SYNPR: variants seen among roughly 807,000 people sequenced by gnomAD.
The protein encoded by SYNPR is synaptoporin.
In SYNPR, 23 loss-of-function variants were observed where a neutral mutation model predicts 32.9. That is an observed-to-expected ratio of 0.70 (90% confidence interval 0.50 to 0.99). The LOEUF (loss-of-function observed/expected upper bound fraction) is 0.99, where lower values mean the gene tolerates loss of function less well. SYNPR is among the 50% of genes least tolerant of loss of function. The probability of loss-of-function intolerance (pLI) is 0.00; values close to 1 mark genes in which losing one functional copy is unlikely to be tolerated. For synonymous variants in SYNPR, 146 were observed against 135.9 expected (o/e 1.07, Z -0.52); for missense variants, 318 against 349.3 (o/e 0.91, Z 0.71).
upstream of SYNPR, among the ~76,000 whole-genome samples, chr3:63,225,178 C>T (rs1046665112): frequency 6.6e-6 from 1 of 152,150 alleles, no homozygotes; most frequent in Non-Finnish European, 1.5e-5. Flanking sequence ...CAGGGAGTGA[C>T]GGAAGCAGGG....
chr3:63,359,136 G>A (rs2107031318), intron 2 of SYNPR, among the ~76,000 whole-genome samples: 1 of 152,038 alleles, frequency 6.6e-6, no homozygotes, highest in South Asian at 2.1e-4. Context: ...AACTGTGCTG[G>A]GCTCTGGGGA....
chr3:63,218,855 G>T, the SYNPR span, among the ~76,000 whole-genome samples: 42 of 152,316 alleles, frequency 2.8e-4, no homozygotes, highest in Admixed American at 9.8e-4. Flanking sequence ...CTAAACAAGT[G>T]TGAGTATTGC....
At chr3:63,233,025 A>C (rs2086177443) in intron 1 of SYNPR, among the ~76,000 whole-genome samples, 1 of 152,172 alleles carries the variant, frequency 6.6e-6, no homozygotes, top group African/African-American at 2.4e-5. Context: ...CTGAAAGTGC[A>C]TTCAGATCTT....
Position 63,448,035 on chromosome 3 carries a change from A to G in SYNPR, c.85-32797A>G, listed in dbSNP as rs932223602. ...TTATTTATTTTTGAGATGGAGTCTC[A>G]TTCTGCCTCCCAGGCTGGAGTGCAG... On this transcript the variant is annotated intron_variant, in intron 2 of 5. Coordinates refer to ENST00000478300, the MANE Select transcript of SYNPR (RefSeq NM_001130003.2). 3.6e-5 allele frequency among the ~76,000 whole-genome samples: 5 copies of G among 140,140 alleles called. 1 individual carries two copies. Among genetic ancestry groups the G allele is most frequent in the South Asian group, 5.3e-4 (2 of 3,780 alleles). 91.9% of individuals were successfully genotyped at this position (140,140 alleles called of 152,430 possible).
chr3:63,524,876 A>T (rs867323551), intron 3 of SYNPR, among the ~76,000 whole-genome samples: 1,848 of 125,040 alleles, frequency 0.015, 29 homozygotes, highest in Middle Eastern at 0.055. Flanking sequence ...TGTGTGAGAG[A>T]GAGAGAGAGA....
intron 2 of SYNPR, among the ~76,000 whole-genome samples, chr3:63,434,596 A>G (rs1407515077): frequency 6.6e-6 from 1 of 152,214 alleles, no homozygotes; most frequent in Non-Finnish European, 1.5e-5. Flanking sequence ...CACTCTTATT[A>G]CAGTACTAAC....
chr3:63,382,864 G>A (rs1212289602), intron 2 of SYNPR, among the ~76,000 whole-genome samples: 1 of 152,110 alleles, frequency 6.6e-6, no homozygotes, highest in Admixed American at 6.5e-5. Flanking sequence ...AGAGAGGAGG[G>A]GTTTTGGTTT....
intron 2 of SYNPR, among the ~76,000 whole-genome samples, chr3:63,392,438 G>A (rs983856933): frequency 6.6e-6 from 1 of 152,196 alleles, no homozygotes; most frequent in African/African-American, 2.4e-5. Context: ...GACAGCTAGT[G>A]TGTGTGTGCA....
intron 2 of SYNPR, among the ~76,000 whole-genome samples, chr3:63,259,635 C>G (rs1420890168): frequency 5.3e-5 from 8 of 152,194 alleles, no homozygotes; most frequent in Non-Finnish European, 2.9e-5. Context: ...TGGGCAAAAA[C>G]TGGAAGAATT....
At chr3:63,417,327 A>G (rs1170202867) in intron 2 of SYNPR, among the ~76,000 whole-genome samples, 1 of 152,212 alleles carries the variant, frequency 6.6e-6, no homozygotes, top group Non-Finnish European at 1.5e-5. Context: ...GTGGATTCCT[A>G]TGGTCTTGGG....
chr3:63,608,834 T>C (rs1700158809), intron 4 of SYNPR, among the ~76,000 whole-genome samples: 2 of 152,194 alleles, frequency 1.3e-5, no homozygotes, highest in Non-Finnish European at 2.9e-5. Context: ...TACCATTCCT[T>C]ACAGGGATGT....
intron 2 of SYNPR, among the ~76,000 whole-genome samples, chr3:63,323,213 T>C (rs2087129481): frequency 6.6e-6 from 1 of 152,030 alleles, no homozygotes; most frequent in South Asian, 2.1e-4. Context: ...AACAATCCTT[T>C]CTCATAAGGG....
At chr3:63,349,867 G>A (rs1432498122) in intron 2 of SYNPR, among the ~76,000 whole-genome samples, 1 of 152,042 alleles carries the variant, frequency 6.6e-6, no homozygotes, top group Non-Finnish European at 1.5e-5. Context: ...TTGTCTTTTG[G>A]TTTCATTTGC....
chr3:63,328,162 A>G lies in SYNPR; in HGVS notation c.84+49420A>G, dbSNP rs17068245. On this transcript the variant is annotated intron_variant, in intron 2 of 5. Transcript: ENST00000478300. ...ACCACAAGACCAGTTATATAATTCA[A>G]GATGCTCAGTACTAAGCCATTAAAA... Among the ~76,000 whole-genome samples the G allele has an allele frequency of 9.3e-3, 1,417 of 152,256 alleles. 33 individuals carry two copies. The highest frequency in any genetic ancestry group is 0.033 in the African/African-American group (1,364 of 41,550).
At chr3:63,202,048 A>G in the SYNPR span, among the ~76,000 whole-genome samples, 1 of 152,124 alleles carries the variant, frequency 6.6e-6, no homozygotes, top group Non-Finnish European at 1.5e-5. Flanking sequence ...TAAGTTTTTT[A>G]AAAACCCCAG....
At chr3:63,436,630 A>C (rs1246081308) in intron 2 of SYNPR, among the ~76,000 whole-genome samples, 1 of 152,146 alleles carries the variant, frequency 6.6e-6, no homozygotes, top group Non-Finnish European at 1.5e-5. Context: ...TTATTGCCTG[A>C]GATCCAGGGC....
At chr3:63,538,189 A>C (rs6786839) in intron 3 of SYNPR, among the ~76,000 whole-genome samples, 58,881 of 151,844 alleles carry the variant, frequency 0.39, 11,748 homozygotes, top group African/African-American at 0.49. Context: ...AGTATTTAAG[A>C]AGCTGATGGC....
rs372605521 is a variant in SYNPR at position 63,321,325 on chromosome 3, T to C, written c.84+42583T>C. On this transcript the variant is annotated intron_variant, in intron 2 of 5. Coordinates refer to ENST00000478300, the MANE Select transcript of SYNPR (RefSeq NM_001130003.2). ...CATTTTTTATAGTAGAACATGTGGA[T>C]ACTGGAGAAAAGTCCAAAGAAGAAA... Among the ~76,000 whole-genome samples the C allele has an allele frequency of 4.0e-4, 61 of 152,206 alleles. 1 individual carries two copies. Among genetic ancestry groups the C allele is most frequent in the African/African-American group, 1.4e-3 (60 of 41,570 alleles).
intron 2 of SYNPR, among the ~76,000 whole-genome samples, chr3:63,465,292 A>G (rs1700656139): frequency 6.6e-6 from 1 of 152,112 alleles, no homozygotes; most frequent in Non-Finnish European, 1.5e-5. Context: ...ATTAACAAAG[A>G]AAATTTTGTT....
Sources: allele counts gnomAD v4.1 joint callset (sites outside exome capture counted in the v4.1 genomes callset), GRCh38; gene constraint gnomAD v4.1.1; transcripts MANE v1.5; gene names NCBI Gene and HGNC (gene_info 2026-07-23, HGNC 2026-07-21).